The following ATG7 variants were observed in gnomAD, a reference collection of about 807,000 sequenced individuals.
ATG7 encodes ubiquitin-like modifier-activating enzyme ATG7.
In ATG7, 70 loss-of-function variants were observed where a neutral mutation model predicts 82.4. That is an observed-to-expected ratio of 0.85 (90% CI 0.70 to 1.04). The LOEUF is 1.04. Among genes scored for constraint, ATG7 ranks in the 50% least tolerant of loss-of-function variants. The pLI, the probability that ATG7 is intolerant of heterozygous loss-of-function variation, is 0.00. For missense variants in ATG7, 792 were observed against 864.3 expected, an observed-to-expected ratio of 0.92 and a Z score of 1.05; for synonymous variants, 287 against 313.0, an observed-to-expected ratio of 0.92 and a Z score of 0.88.
intron 20 of ATG7, chr3:11,488,518 G>C (rs1574983277): frequency 8.4e-7 from 1 of 1,196,168 alleles, no homozygotes; most frequent in Non-Finnish European, 1.1e-6. Flanking sequence ...GACTGTCCCG[G>C]CTCCGCACTG....
chr3:11,411,955 A>G (rs1576212259), intron 19 of ATG7, among the ~76,000 whole-genome samples: 1 of 148,002 alleles, frequency 6.8e-6, no homozygotes, highest in East Asian at 2.0e-4. Context: ...TTTTCCCAGT[A>G]TCATTCATTC....
chr3:11,365,819 A>T (rs1170096424), intron 18 of ATG7, among the ~76,000 whole-genome samples: 1 of 152,178 alleles, frequency 6.6e-6, no homozygotes, highest in Non-Finnish European at 1.5e-5. Context: ...TGGCAGTCTG[A>T]CAAATGTTCT....
intron 20 of ATG7, chr3:11,529,872 C>G (rs1001507332): frequency 6.6e-6 from 1 of 152,354 alleles, no homozygotes; most frequent in Admixed American, 6.5e-5. Flanking sequence ...GGTGTTGGCT[C>G]TGTCACCTTT....
intron 14 of ATG7, among the ~76,000 whole-genome samples, chr3:11,356,511 G>A (rs192298557): frequency 1.3e-5 from 2 of 152,256 alleles, no homozygotes; most frequent in East Asian, 3.9e-4. Flanking sequence ...ATAACTGATG[G>A]GCTCTAACGT....
chr3:11,309,757 A>G (rs747858249), intron 7 of ATG7, among the ~76,000 whole-genome samples: 1 of 152,196 alleles, frequency 6.6e-6, no homozygotes, highest in Non-Finnish European at 1.5e-5. Context: ...GTGTGTATAT[A>G]TATCTGTGTA....
At chr3:11,300,393 G>C (rs1946607290) in intron 5 of ATG7, among the ~76,000 whole-genome samples, 2 of 152,184 alleles carry the variant, frequency 1.3e-5, no homozygotes, top group East Asian at 3.9e-4. Flanking sequence ...TAGAAAGCAG[G>C]GGTGAGAGAA....
intron 17 of ATG7, 61 bp downstream of exon 17, chr3:11,362,989 G>T: frequency 7.0e-7 from 1 of 1,418,744 alleles, no homozygotes; most frequent in Non-Finnish European, 9.8e-7. Context: ...TTGTTCATCA[G>T]TGTCTCCCAT....
intron 18 of ATG7, among the ~76,000 whole-genome samples, chr3:11,367,285 C>G (rs1232849900): frequency 6.6e-6 from 1 of 152,114 alleles, no homozygotes; most frequent in Non-Finnish European, 1.5e-5. Flanking sequence ...CTTCCTGGCT[C>G]CTAGAGACAA....
Position 11,358,528 on chromosome 3 carries a change from C to T in ATG7, c.1395C>T (p.Ile465=), listed in dbSNP as rs772773959. The stretch of plus-strand genomic sequence containing the variant: ...ATGTGGAGCAACTGGAGCAGCTCAT[C>T]GAAAGCCATGATGTCGTCTTCCTAT... The part of the protein sequence containing the change: ...RRDVEQLEQL[I]ESHDVVFLLM... Residue 465 remains isoleucine, a synonymous_variant, in exon 15 of 21, where the codon ATC becomes ATT. Coordinates refer to ENST00000693202, the MANE Select transcript of ATG7 (RefSeq NM_001349232.2). 1.7e-5 allele frequency: 27 copies of T among 1,613,996 alleles called. No homozygotes were observed. Among genetic ancestry groups the T allele is most frequent in the East Asian group, 1.1e-4 (5 of 44,888 alleles).
At chr3:11,567,848 C>T in the ATG7 span, among the ~76,000 whole-genome samples, 1 of 152,202 alleles carries the variant, frequency 6.6e-6, no homozygotes, top group Non-Finnish European at 1.5e-5. Flanking sequence ...TTATTGTTAA[C>T]AACATGAGTG....
intron 20 of ATG7, among the ~76,000 whole-genome samples, chr3:11,431,608 A>T (rs1488025039): frequency 6.6e-6 from 1 of 151,950 alleles, no homozygotes; most frequent in Non-Finnish European, 1.5e-5. Flanking sequence ...GTCTGTAAGG[A>T]TTTTTCTATT....
At chr3:11,521,406 GAA>G in intron 20 of ATG7, among the ~76,000 whole-genome samples, 1 of 152,240 alleles carries the variant, frequency 6.6e-6, no homozygotes, top group Non-Finnish European at 1.5e-5. Context: ...TGGTGGTGGA[GAA>G]AAAGAGGTGA....
At chr3:11,380,141 C>A in intron 19 of ATG7, 89 bp downstream of exon 19, 2 of 1,217,182 alleles carry the variant, frequency 1.6e-6, no homozygotes, top group Non-Finnish European at 2.4e-6. Flanking sequence ...CCCTTGAAAC[C>A]AACTAAGGGC....
At chr3:11,283,276 A>G (rs939832184) in intron 3 of ATG7, among the ~76,000 whole-genome samples, 1 of 152,156 alleles carries the variant, frequency 6.6e-6, no homozygotes, top group African/African-American at 2.4e-5. Flanking sequence ...GGAAATTTTC[A>G]TAGTGAGCAT....
chr3:11,421,458 T>G (rs1365675692), intron 19 of ATG7, among the ~76,000 whole-genome samples: 1 of 152,222 alleles, frequency 6.6e-6, no homozygotes, highest in African/African-American at 2.4e-5. Flanking sequence ...TGCTTACCTG[T>G]AAGAAGCAAC....
At chr3:11,359,890 A>G (rs1481061622) in intron 15 of ATG7, among the ~76,000 whole-genome samples, 1 of 146,758 alleles carries the variant, frequency 6.8e-6, no homozygotes, top group Non-Finnish European at 1.5e-5. Context: ...AGTATAGCAT[A>G]ATGGTGGAAA....
the ATG7 span, among the ~76,000 whole-genome samples, chr3:11,572,943 G>A: frequency 6.6e-6 from 1 of 152,018 alleles, no homozygotes; most frequent in Non-Finnish European, 1.5e-5. Flanking sequence ...CGAGACAGGT[G>A]GATCACCTGA....
intron 9 of ATG7, among the ~76,000 whole-genome samples, chr3:11,320,911 G>A (rs913090862): frequency 6.6e-6 from 1 of 152,178 alleles, no homozygotes; most frequent in African/African-American, 2.4e-5. Flanking sequence ...TTAAGGCCAC[G>A]TATTTTACAA....
intron 20 of ATG7, among the ~76,000 whole-genome samples, chr3:11,543,197 C>T (rs935516022): frequency 6.6e-6 from 1 of 152,252 alleles, no homozygotes; most frequent in Admixed American, 6.5e-5. Context: ...GTAAGTCACG[C>T]TTTACATCTT....
Sources: gnomAD v4.1 joint callset for allele counts (sites outside exome capture counted in the v4.1 genomes callset) on GRCh38, gnomAD v4.1.1 for gene constraint, MANE v1.5 for transcripts, NCBI Gene and HGNC (gene_info 2026-07-23, HGNC 2026-07-21) for gene names.